ATG4A: variants seen among roughly 807,000 people sequenced by gnomAD.
ATG4A encodes the protein autophagy related 4A cysteine peptidase, also known as cysteine protease ATG4A.
ATG4A carries 22 observed loss-of-function variants against 38.4 expected under a neutral mutation model. That is an observed-to-expected ratio of 0.57 (90% CI 0.41 to 0.82). The LOEUF is 0.82. Among genes scored for constraint, ATG4A ranks in the 40% least tolerant of loss-of-function variants. The pLI, the probability that ATG4A is intolerant of heterozygous loss-of-function variation, is 0.00. For synonymous variants in ATG4A, 86 were observed against 100.7 expected (o/e 0.85, Z 0.88); for missense variants, 220 against 290.0 (o/e 0.76, Z 1.75).
chrX:108,092,506 C>G (rs1403083196), intron 1 of ATG4A, among the ~76,000 whole-genome samples: 1 of 112,096 alleles, frequency 8.9e-6, no homozygotes, highest in African/African-American at 3.2e-5. Flanking sequence ...AGAATACATT[C>G]AAGAAAGAGA....
intron 1 of ATG4A, among the ~76,000 whole-genome samples, chrX:108,117,085 A>G (rs2032529157): frequency 2.7e-5 from 3 of 112,036 alleles, no homozygotes; most frequent in African/African-American, 9.7e-5. Flanking sequence ...GGCCTAGCAC[A>G]GTACTGGTTA....
intron 12 of ATG4A, 132 bp downstream of exon 12, chrX:108,153,219 C>A: frequency 4.4e-6 from 2 of 458,815 alleles, no homozygotes; most frequent in Admixed American, 3.9e-5. Flanking sequence ...AAAAAAATGG[C>A]ACTTCTGGTT....
chrX:108,125,355 A>G (rs779191137), intron 1 of ATG4A, among the ~76,000 whole-genome samples: 8 of 110,962 alleles, frequency 7.2e-5, no homozygotes, highest in African/African-American at 2.6e-4. Context: ...GCCAAATTTC[A>G]GAAGAAAAGA....
At chrX:108,122,833 AT>A (rs1036037919) in intron 1 of ATG4A, among the ~76,000 whole-genome samples, 1 of 112,200 alleles carries the variant, frequency 8.9e-6, no homozygotes, top group African/African-American at 3.2e-5. Context: ...GGGGAATGAG[AT>A]TCCTTGGGGC....
At chrX:108,149,306 T>C (rs1360035931) in intron 9 of ATG4A, among the ~76,000 whole-genome samples, 1 of 112,624 alleles carries the variant, frequency 8.9e-6, no homozygotes, top group Non-Finnish European at 1.9e-5. Context: ...CTGGGGTACC[T>C]CTTAGGCACT....
At chrX:108,144,456 T>C (rs748133470) in intron 9 of ATG4A, among the ~76,000 whole-genome samples, 1 of 112,016 alleles carries the variant, frequency 8.9e-6, no homozygotes, top group East Asian at 2.8e-4. Flanking sequence ...TGCTGGCAAA[T>C]TGGGCACTCA....
intron 9 of ATG4A, 77 bp from the exon 10 acceptor site, chrX:108,150,075 G>A: frequency 9.1e-7 from 1 of 1,093,931 alleles, no homozygotes; most frequent in Non-Finnish European, 1.2e-6. Flanking sequence ...AAGAGAACCA[G>A]AGTGCCTCCT....
At position 108,137,939 on chromosome X, in the gene ATG4A, C is replaced by T. The variant is rs780544560; in HGVS notation, c.683C>T (p.Pro228Leu). 14 of 1,205,807 alleles carry T rather than the reference C, an allele frequency of 1.2e-5. No homozygotes were observed. Among genetic ancestry groups the T allele is most frequent in the Non-Finnish European group, 1.6e-5 (14 of 893,234 alleles). The change falls in exon 8 of 13, where the codon CCC (proline) becomes CTC (leucine). Residue 228 changes from proline to leucine, a missense_variant. Around this residue, in one of 3 missense-constraint regions of ATG4A, gnomAD observed 159 missense variants for 188.9 expected, o/e 0.84. Transcript: ENST00000372232. ...SAWKPLLLIVPLRLGINQINP... is the reference protein window; with the variant it reads ...SAWKPLLLIVLLRLGINQINP... ...TGGAAACCCCTGCTGCTCATTGTGC[C>T]CCTTCGCCTGGGCATAAACCAAATC...
intron 1 of ATG4A, among the ~76,000 whole-genome samples, chrX:108,100,665 G>A (rs954360600): frequency 1.8e-5 from 2 of 111,913 alleles, no homozygotes; most frequent in Non-Finnish European, 3.8e-5. Flanking sequence ...CAATTGATAT[G>A]ATCTTGTGAT....
chrX:108,088,909 A>G (rs1352955512), upstream of ATG4A: 1 of 908,994 alleles, frequency 1.1e-6, no homozygotes, highest in African/African-American at 2.0e-5. Flanking sequence ...GCAAGAAAAA[A>G]AATACTGGTG....
intron 1 of ATG4A, among the ~76,000 whole-genome samples, chrX:108,094,351 GCTAT>G (rs978191357): frequency 1.8e-5 from 2 of 110,699 alleles, no homozygotes; most frequent in East Asian, 2.8e-4. Flanking sequence ...ACATTGCTAT[GCTAT>G]CTATGTCACA....
At chrX:108,153,123 C>A (rs1203448205) in intron 12 of ATG4A, 36 bp downstream of exon 12, 7 of 966,216 alleles carry the variant, frequency 7.2e-6, no homozygotes, top group Non-Finnish European at 1.0e-5. Flanking sequence ...GCTAGCAGAC[C>A]CACATATAGC....
At chrX:108,103,709 T>C (rs1460742332) in intron 1 of ATG4A, among the ~76,000 whole-genome samples, 3 of 112,561 alleles carry the variant, frequency 2.7e-5, no homozygotes, top group Non-Finnish European at 5.6e-5. Flanking sequence ...CAACCTATAT[T>C]AAGCTGAAAC....
chrX:108,091,885 T>C, intron 1 of ATG4A, 49 bp downstream of exon 1: 1 of 1,207,845 alleles, frequency 8.3e-7, no homozygotes, highest in South Asian at 1.8e-5. Context: ...CCGGGGTGGG[T>C]AGTCGCTGGC....
intron 3 of ATG4A, among the ~76,000 whole-genome samples, chrX:108,129,949 A>G (rs2032913220): frequency 9.4e-6 from 1 of 106,778 alleles, no homozygotes; most frequent in Admixed American, 1.0e-4. Context: ...TTTAGTAACC[A>G]GTGGTTCTGA....
chrX:108,133,546 A>G (rs1323581233), intron 4 of ATG4A, among the ~76,000 whole-genome samples: 2 of 112,605 alleles, frequency 1.8e-5, no homozygotes, highest in Non-Finnish European at 3.7e-5. Flanking sequence ...AAGCTTCCTT[A>G]GTTGTGAGCT....
intron 1 of ATG4A, among the ~76,000 whole-genome samples, chrX:108,096,154 A>T (rs777787714): frequency 9.8e-5 from 11 of 112,618 alleles, no homozygotes; most frequent in Non-Finnish European, 1.7e-4. Context: ...TCTTGACATT[A>T]CTTGTGATTC....
intron 1 of ATG4A, among the ~76,000 whole-genome samples, chrX:108,122,916 G>A (rs1325878827): frequency 1.8e-5 from 2 of 112,004 alleles, no homozygotes; most frequent in African/African-American, 3.2e-5. Flanking sequence ...CACATGCTCC[G>A]GAAAGACCTC....
In ATG4A at chrX:108,126,088, T is replaced by C. The variant is rs1194042630; in HGVS notation, c.22T>C (p.Tyr8His). 2.5e-6 allele frequency: 3 copies of C among 1,180,386 alleles called. No homozygotes were observed. The African/African-American group carries it at 5.3e-5, about 21-fold the overall frequency. Residue 8 changes from tyrosine to histidine, a missense_variant, in exon 2 of 13, where the codon TAT becomes CAT. Coordinates refer to ENST00000372232, the MANE Select transcript of ATG4A (RefSeq NM_052936.5). ...TCCTTTTCTTTCAGTTTTATCCAAGTATGAAGATCAGATTACTATTTTCAC... is the reference window on the plus strand; with the variant it reads ...TCCTTTTCTTTCAGTTTTATCCAAGCATGAAGATCAGATTACTATTTTCAC... MESVLSKYEDQITIFTDY... is the reference protein window; with the variant it reads MESVLSKHEDQITIFTDY...
Sources: allele counts gnomAD v4.1 joint callset (sites outside exome capture counted in the v4.1 genomes callset), GRCh38; gene constraint gnomAD v4.1.1; regional missense constraint gnomAD v4.1.1; transcripts MANE v1.5; gene names NCBI Gene and HGNC (gene_info 2026-07-23, HGNC 2026-07-21).